BTBD10: variants seen among roughly 807,000 people sequenced by gnomAD.
BTBD10 encodes BTB/POZ domain-containing protein 10.
A neutral mutation model predicts 53.2 loss-of-function variants in BTBD10; 21 were observed. That is an observed-to-expected ratio of 0.39 (90% CI 0.28 to 0.57). The LOEUF (loss-of-function observed/expected upper bound fraction) is 0.57, where lower values mean the gene tolerates loss of function less well. Among genes scored for constraint, BTBD10 ranks in the 20% least tolerant of loss-of-function variants. BTBD10 has a pLI of 0.53. For synonymous variants in BTBD10, 149 were observed against 192.7 expected, an observed-to-expected ratio of 0.77 and a Z score of 1.88; for missense variants, 360 against 594.7, an observed-to-expected ratio of 0.61 and a Z score of 4.10.
At chr11:13,404,550 T>C (rs1187923923) in intron 7 of BTBD10, 1 of 920,558 alleles carries the variant, frequency 1.1e-6, no homozygotes, top group African/African-American at 1.8e-5. Flanking sequence ...CAGAAAATAA[T>C]TTAGTATACC....
intron 2 of BTBD10, among the ~76,000 whole-genome samples, chr11:13,439,593 TTAAA>T (rs1353690450): frequency 3.3e-5 from 5 of 152,132 alleles, no homozygotes; most frequent in African/African-American, 9.6e-5. Context: ...TACTCTCTCC[TTAAA>T]TAAATTTTTA....
chr11:13,421,703 C>T lies in BTBD10; in HGVS notation c.237G>A (p.Thr79=), dbSNP rs3789325. ...DRSRDSSHER[T]ESQLTPCIRN... ...TAATACAAGGAGTGAGCTGAGACTC[C>T]GTTCTTTCATGAGATGAATCTCGTG... Residue 79 remains threonine (T), a synonymous_variant, in exon 3 of 9, where the codon ACG becomes ACA. Coordinates refer to ENST00000278174, the MANE Select transcript of BTBD10 (RefSeq NM_032320.7). The T allele has an allele frequency of 0.18, 282,292 of 1,612,956 alleles. 26,203 individuals are homozygous for T. The highest frequency in any genetic ancestry group is 0.29 in the Admixed American group (17,528 of 59,996).
intron 2 of BTBD10, chr11:13,439,914 C>A (rs1256339880): frequency 3.3e-6 from 5 of 1,533,676 alleles, no homozygotes; most frequent in East Asian, 2.4e-5. Flanking sequence ...GGTAGACACA[C>A]AAAAACAAGA....
intron 2 of BTBD10, among the ~76,000 whole-genome samples, chr11:13,429,944 A>T (rs1320053848): frequency 6.6e-6 from 1 of 151,732 alleles, no homozygotes; most frequent in African/African-American, 2.4e-5. Flanking sequence ...TCTACAAAAA[A>T]ATTTTTTAAA....
intron 8 of BTBD10, among the ~76,000 whole-genome samples, chr11:13,392,579 G>C (rs1054810938): frequency 6.6e-6 from 1 of 151,504 alleles, no homozygotes; most frequent in Non-Finnish European, 1.5e-5. Flanking sequence ...TTTTAGCTTA[G>C]TTTGTTCAAA....
chr11:13,405,881 C>T, intron 6 of BTBD10, 25 bp from the exon 7 acceptor site: 1 of 1,602,600 alleles, frequency 6.2e-7, no homozygotes, highest in Middle Eastern at 1.7e-4. Context: ...ACAAAAATAT[C>T]TTACCAAAAC....
chr11:13,457,551 T>C (rs934405059), intron 1 of BTBD10, among the ~76,000 whole-genome samples: 2 of 152,338 alleles, frequency 1.3e-5, no homozygotes, highest in South Asian at 2.1e-4. Context: ...CTTAAAAATA[T>C]GTACATATAT....
At chr11:13,432,341 A>G (rs528708641) in intron 2 of BTBD10, among the ~76,000 whole-genome samples, 136 of 152,244 alleles carry the variant, frequency 8.9e-4, no homozygotes, top group Non-Finnish European at 1.5e-3. Context: ...CATGTAATAA[A>G]AAAAAGATAA....
At position 13,459,888 on chromosome 11, in the gene BTBD10, G is replaced by A. The variant is rs576612720; in HGVS notation, c.-58+3204C>T. On this transcript the variant is annotated intron_variant, in intron 1 of 8. Coordinates refer to ENST00000278174, the MANE Select transcript of BTBD10 (RefSeq NM_032320.7). ...GGCAACTCAGGGGATGGGAAGAAGC[G>A]GAAAGCTATTTCCAAAAAAGAACTT... is the stretch of plus-strand genomic sequence containing the variant. Among the ~76,000 whole-genome samples, 6 of 152,270 alleles carry A rather than the reference G, an allele frequency of 3.9e-5. No individual in the cohort carries two copies. In the South Asian group the frequency reaches 8.3e-4, roughly 21 times the overall value.
At chr11:13,401,232 CA>C (rs1289929607) in intron 8 of BTBD10, among the ~76,000 whole-genome samples, 3 of 151,790 alleles carry the variant, frequency 2.0e-5, no homozygotes, top group South Asian at 2.1e-4. Context: ...TAGGTCCTTA[CA>C]ATTATATGAA....
rs1031096687 is a variant in BTBD10, at chr11:13,444,844, T to A, written c.101+180A>T. On this transcript the variant is annotated intron_variant, in intron 2 of 8. Transcript: ENST00000278174. ...GAAATAAATATTCAAATACAAATAT[T>A]AAAAAATTAAAAAGAAATGTTTCTC... is the stretch of plus-strand genomic sequence containing the variant. 3.3e-5 allele frequency among the ~76,000 whole-genome samples: 5 copies of A among 152,024 alleles called. No individual in the cohort carries two copies. In the South Asian group the frequency reaches 6.2e-4, roughly 19 times the overall value.
chr11:13,453,750 T>G (rs1026087809), intron 1 of BTBD10, among the ~76,000 whole-genome samples: 3 of 152,176 alleles, frequency 2.0e-5, no homozygotes. Context: ...TTACAAAATG[T>G]TAACTACATT....
chr11:13,412,326 G>A (rs546037127), intron 6 of BTBD10, among the ~76,000 whole-genome samples: 2 of 152,072 alleles, frequency 1.3e-5, no homozygotes, highest in African/African-American at 4.8e-5. Flanking sequence ...GGTGATGGGT[G>A]CCTGTAACCC....
intron 8 of BTBD10, among the ~76,000 whole-genome samples, chr11:13,394,346 C>T (rs1031119586): frequency 6.6e-6 from 1 of 152,076 alleles, no homozygotes; most frequent in Non-Finnish European, 1.5e-5. Flanking sequence ...TGAGATCTGA[C>T]GGTTTAAAAG....
intron 2 of BTBD10, among the ~76,000 whole-genome samples, chr11:13,433,760 T>C (rs935627258): frequency 6.6e-6 from 1 of 152,074 alleles, no homozygotes; most frequent in Non-Finnish European, 1.5e-5. Context: ...GTGGCCCACA[T>C]AGCCAAAAAT....
At chr11:13,460,324 T>C (rs983084874) in intron 1 of BTBD10, among the ~76,000 whole-genome samples, 5 of 152,144 alleles carry the variant, frequency 3.3e-5, no homozygotes, top group Admixed American at 6.5e-5. Context: ...CAAAATTCTC[T>C]CCCTTACCTA....
intron 1 of BTBD10, among the ~76,000 whole-genome samples, chr11:13,449,158 A>G (rs1457037752): frequency 6.6e-6 from 1 of 152,162 alleles, no homozygotes; most frequent in Non-Finnish European, 1.5e-5. Context: ...AGACTATAGT[A>G]ACAAAATAAA....
intron 2 of BTBD10, among the ~76,000 whole-genome samples, chr11:13,430,271 G>T (rs150267593): frequency 1.3e-3 from 195 of 152,240 alleles, no homozygotes; most frequent in African/African-American, 4.5e-3. Flanking sequence ...ATAAGTACAT[G>T]AAATGATAGC....
At chr11:13,397,658 T>C (rs1226219254) in intron 8 of BTBD10, among the ~76,000 whole-genome samples, 2 of 152,254 alleles carry the variant, frequency 1.3e-5, no homozygotes, top group East Asian at 3.8e-4. Context: ...AGATCTTTCC[T>C]GCTTTCTCTT....
Sources: allele counts gnomAD v4.1 joint callset (sites outside exome capture counted in the v4.1 genomes callset), GRCh38; gene constraint gnomAD v4.1.1; transcripts MANE v1.5; gene names NCBI Gene and HGNC (gene_info 2026-07-23, HGNC 2026-07-21).